Variants in N4BP2L2 observed in about 807,000 individuals in gnomAD.
N4BP2L2 encodes the protein NEDD4-binding protein 2-like 2.
N4BP2L2 carries 50 observed loss-of-function variants against 56.2 expected under a neutral mutation model. The ratio of observed to expected loss-of-function variants is 0.89; its 90% CI spans 0.71 to 1.13. N4BP2L2 has a LOEUF of 1.13. Among genes scored for constraint, N4BP2L2 ranks in the 50% most tolerant of loss-of-function variants. The probability of loss-of-function intolerance (pLI) is 0.00; values close to 1 mark genes in which losing one functional copy is unlikely to be tolerated. For synonymous variants in N4BP2L2, 203 were observed against 223.6 expected, an observed-to-expected ratio of 0.91 and a Z score of 0.82; for missense variants, 689 against 693.8, an observed-to-expected ratio of 0.99 and a Z score of 0.08.
chr13:32,520,273 T>A (rs1379940199), intron 5 of N4BP2L2, among the ~76,000 whole-genome samples: 1 of 151,936 alleles, frequency 6.6e-6, no homozygotes. Context: ...AATAGGTGAA[T>A]TGTAAGGGTA....
intron 6 of N4BP2L2, among the ~76,000 whole-genome samples, chr13:32,492,272 A>ATTTTTTTTTTTTTTTTTTTTTTTTTT (rs1185615708): frequency 1.3e-5 from 1 of 77,042 alleles, no homozygotes; most frequent in African/African-American, 5.7e-5. Flanking sequence ...AAAACACCAA[A>ATTTTTTTTTTTTTTTTTTTTTTTTTT]ATTTTTTTTT....
In N4BP2L2 at chr13:32,528,067, G is replaced by C. The variant is rs546231594; in HGVS notation, c.1260-535C>G. ...TTACAGGCATGAGCCACCGTGCCTG[G>C]CCATAACAAAAACTTTTTGAAGCAG... On this transcript the variant is annotated intron_variant, in intron 2 of 5. Transcript: ENST00000267068. Among the ~76,000 whole-genome samples the C allele has an allele frequency of 3.3e-5, 5 of 152,260 alleles. No individual in the cohort carries two copies. The East Asian group carries it at 9.6e-4, about 29-fold the overall frequency.
At chr13:32,442,536 C>T (rs773631311) in exon 7 of N4BP2L2, 7 of 1,613,706 alleles carry the variant, frequency 4.3e-6, no homozygotes, top group African/African-American at 1.3e-5. Context: ...ATCTTTTCAG[C>T]TTTCTATCAA....
At chr13:32,438,056 A>G (rs1159495812) in intron 8 of N4BP2L2, among the ~76,000 whole-genome samples, 2 of 152,216 alleles carry the variant, frequency 1.3e-5, no homozygotes, top group South Asian at 2.1e-4. Context: ...ACGTGTGTAC[A>G]TTGTGTAATG....
rs115565452 is a variant in N4BP2L2 at position 32,514,029 on chromosome 13, A to G, written c.*3773T>C. 9.2e-3 allele frequency: 1,396 copies of G among 152,296 alleles called. 29 individuals carry two copies. Among genetic ancestry groups the G allele is most frequent in the African/African-American group, 0.032 (1,344 of 41,574 alleles). The allele number at this position is 152,296 out of a possible 1,614,324, so 9.4% of individuals were successfully genotyped here. A position where few individuals can be genotyped will look rare whatever the true frequency, so the allele number is the denominator to read the frequency against. ...CATATCCTCTTAAATCATACTTTCA[A>G]AACTTATCTATACGTAAAACTGGAA... On this transcript the variant is annotated 3_prime_UTR_variant, in exon 6 of 6. Transcript: ENST00000267068.
At chr13:32,448,671 AG>A (rs2077399792) in intron 6 of N4BP2L2, among the ~76,000 whole-genome samples, 1 of 152,192 alleles carries the variant, frequency 6.6e-6, no homozygotes, top group Non-Finnish European at 1.5e-5. Flanking sequence ...TGAAGAAAGC[AG>A]GAAGGGAGGG....
chr13:32,446,636 A>C (rs2077093243), intron 6 of N4BP2L2: 3 of 558,916 alleles, frequency 5.4e-6, no homozygotes, highest in Non-Finnish European at 6.8e-6. Flanking sequence ...GTCCCTCAGA[A>C]CAGCTCTCTA....
rs35925361 is a variant in N4BP2L2 at position 32,526,818 on chromosome 13, G to GTTTTTTTTTTTTTTTTTTTTTT, written c.1384+568_1384+589dup. 2.5e-4 allele frequency: 6 copies of GTTTTTTTTTTTTTTTTTTTTTT among 24,238 alleles called. 2 individuals are homozygous for GTTTTTTTTTTTTTTTTTTTTTT. Among genetic ancestry groups the GTTTTTTTTTTTTTTTTTTTTTT allele is most frequent in the East Asian group, 3.1e-3 (2 of 648 alleles). 1.5% of individuals were successfully genotyped at this position (24,238 alleles called of 1,614,324 possible). On this transcript the variant is annotated intron_variant, in intron 3 of 5. Coordinates refer to ENST00000267068, the Ensembl canonical transcript of N4BP2L2. ...CTGAGGCCAGGCACACTTTTTGTCT[G>GTTTTTTTTTTTTTTTTTTTTTT]TTTTTTTTTTTTTTTTTTTTTTTTT...
exon 6 of N4BP2L2, chr13:32,514,694 A>T (rs1243943573): frequency 6.6e-6 from 1 of 152,206 alleles, no homozygotes; most frequent in Non-Finnish European, 1.5e-5. Context: ...AAAAATTGTA[A>T]ATTTCACATT....
At chr13:32,534,201 A>C (rs2055879872) in intron 2 of N4BP2L2, among the ~76,000 whole-genome samples, 2 of 152,188 alleles carry the variant, frequency 1.3e-5, no homozygotes, top group Non-Finnish European at 2.9e-5. Flanking sequence ...TACTACATAC[A>C]ACTTTCATTC....
chr13:32,497,384 A>G (rs2088955218), intron 6 of N4BP2L2, among the ~76,000 whole-genome samples: 1 of 152,208 alleles, frequency 6.6e-6, no homozygotes, highest in South Asian at 2.1e-4. Context: ...CCAAGATTTT[A>G]GTTTTTAAAA....
At chr13:32,480,155 A>G (rs1330841302) in intron 6 of N4BP2L2, among the ~76,000 whole-genome samples, 2 of 152,232 alleles carry the variant, frequency 1.3e-5, no homozygotes, top group African/African-American at 2.4e-5. Flanking sequence ...CACAGGAACA[A>G]CAATTAGACT....
chr13:32,439,707 C>T (rs993399985), intron 7 of N4BP2L2, among the ~76,000 whole-genome samples: 2 of 151,898 alleles, frequency 1.3e-5, no homozygotes, highest in South Asian at 2.1e-4. Flanking sequence ...TGTTAGTAGG[C>T]GGGTAGAAAA....
At chr13:32,494,694 AG>A (rs1381604365) in intron 6 of N4BP2L2, among the ~76,000 whole-genome samples, 1 of 152,162 alleles carries the variant, frequency 6.6e-6, no homozygotes, top group African/African-American at 2.4e-5. Flanking sequence ...TGAACCCGGG[AG>A]GCGGAGCTTG....
exon 2 of N4BP2L2, chr13:32,536,232 G>A (rs774026482): frequency 6.2e-7 from 1 of 1,613,710 alleles, no homozygotes; most frequent in Non-Finnish European, 8.5e-7. Flanking sequence ...TGCCATTCAG[G>A]CCTGAAAGAA....
At chr13:32,487,810 A>G (rs1406246016) in intron 6 of N4BP2L2, among the ~76,000 whole-genome samples, 2 of 152,154 alleles carry the variant, frequency 1.3e-5, no homozygotes, top group Non-Finnish European at 2.9e-5. Flanking sequence ...GCATTTTTAC[A>G]AGCTCTTTAT....
At chr13:32,446,805 A>G (rs1439165243) in intron 6 of N4BP2L2, among the ~76,000 whole-genome samples, 1 of 152,244 alleles carries the variant, frequency 6.6e-6, no homozygotes, top group East Asian at 1.9e-4. Flanking sequence ...CTTATTATGT[A>G]TTGGGACTGT....
chr13:32,466,384 T>C (rs2081241154), intron 6 of N4BP2L2, among the ~76,000 whole-genome samples: 1 of 151,938 alleles, frequency 6.6e-6, no homozygotes, highest in South Asian at 2.1e-4. Flanking sequence ...CTAGCTAATA[T>C]GGTGAAAACT....
intron 5 of N4BP2L2, among the ~76,000 whole-genome samples, chr13:32,520,049 T>C (rs1360980180): frequency 6.6e-6 from 1 of 152,164 alleles, no homozygotes; most frequent in Non-Finnish European, 1.5e-5. Context: ...AATCTGTTTG[T>C]CTATCTATAC....
Sources: gnomAD v4.1 joint callset for allele counts (sites outside exome capture counted in the v4.1 genomes callset) on GRCh38, gnomAD v4.1.1 for gene constraint, MANE v1.5 for transcripts, NCBI Gene and HGNC (gene_info 2026-07-23, HGNC 2026-07-21) for gene names.